Variants in PRMT7 observed in about 807,000 individuals in gnomAD.
PRMT7 encodes the protein protein arginine methyltransferase 7.
Under a neutral mutation model 85.4 loss-of-function variants are expected in PRMT7, and 75 were observed. The observed-to-expected ratio is 0.88, with a 90% CI of 0.73 to 1.06. PRMT7 has a LOEUF of 1.06. PRMT7 is among the 50% of genes least tolerant of loss of function. The pLI is 0.00. For missense variants in PRMT7, 868 were observed against 915.2 expected, an observed-to-expected ratio of 0.95 and a Z score of 0.67; for synonymous variants, 397 against 359.5, an observed-to-expected ratio of 1.10 and a Z score of -1.18.
rs547936717 is a variant in PRMT7 at position 68,339,334 on chromosome 16, G to A, written c.517G>A (p.Ala173Thr). The A allele has an allele frequency of 1.2e-6, 2 of 1,613,844 alleles. No individual in the cohort carries two copies. Among genetic ancestry groups the A allele is most frequent in the African/African-American group, 1.3e-5 (1 of 74,906 alleles). ...HRHLVEENCE[A>T]VPHRATVYAQ... ...AATATAAACTTAGGAAAATTGTGAGGCCGTGCCCCACAGAGCCACCGTCTA... is the reference window on the plus strand; with the variant it reads ...AATATAAACTTAGGAAAATTGTGAGACCGTGCCCCACAGAGCCACCGTCTA... The change falls in exon 8 of 19, where the codon GCC becomes ACC. Residue 173 changes from alanine (A) to threonine (T), a missense_variant. Physicochemically the swap from Ala to Thr is moderately conservative, Grantham distance 58 (BLOSUM62 0). Coordinates refer to ENST00000441236, the MANE Select transcript of PRMT7 (RefSeq NM_019023.5).
intron 5 of PRMT7, among the ~76,000 whole-genome samples, chr16:68,326,705 A>G (rs2083161965): frequency 6.6e-6 from 1 of 152,168 alleles, no homozygotes; most frequent in Non-Finnish European, 1.5e-5. Context: ...CACCACTGCA[A>G]AGGTCAGTTC....
intron 16 of PRMT7, among the ~76,000 whole-genome samples, chr16:68,353,995 C>G (rs1045352450): frequency 6.6e-6 from 1 of 152,206 alleles, no homozygotes; most frequent in African/African-American, 2.4e-5. Flanking sequence ...GCTGTCCTGA[C>G]AGCGCCAGTG....
At chr16:68,337,275 A>AT (rs562871636) in intron 6 of PRMT7, among the ~76,000 whole-genome samples, 184 bp from the exon 7 acceptor site, 163 of 146,912 alleles carry the variant, frequency 1.1e-3, no homozygotes, top group Middle Eastern at 3.5e-3. Context: ...TTACATATGG[A>AT]TTTTTTTTTT....
chr16:68,353,638 C>T (rs990288672), intron 16 of PRMT7, 72 bp downstream of exon 16: 3 of 1,415,332 alleles, frequency 2.1e-6, no homozygotes, highest in Admixed American at 2.6e-5. Flanking sequence ...AGGGTCCCAG[C>T]TTGGGCAGCA....
chr16:68,333,603 G>C (rs1335120498), intron 6 of PRMT7, among the ~76,000 whole-genome samples: 1 of 151,806 alleles, frequency 6.6e-6, no homozygotes, highest in Non-Finnish European at 1.5e-5. Flanking sequence ...GATCACAGAT[G>C]GGAGCCACTG....
intron 14 of PRMT7, among the ~76,000 whole-genome samples, chr16:68,350,708 T>C (rs1168735092): frequency 6.6e-6 from 1 of 152,224 alleles, no homozygotes; most frequent in Non-Finnish European, 1.5e-5. Context: ...TCATTACCCA[T>C]TGGCAGTCAT....
At chr16:68,316,423 A>T (rs1428060951) in intron 3 of PRMT7, among the ~76,000 whole-genome samples, 1 of 152,240 alleles carries the variant, frequency 6.6e-6, no homozygotes, top group Non-Finnish European at 1.5e-5. Context: ...TTTTGAATGA[A>T]AAAAATGAAA....
Position 68,352,364 on chromosome 16 carries a change from G to A in PRMT7, c.1530G>A (p.Val510=), listed in dbSNP as rs1274156685. 1 of 1,610,276 alleles carries A rather than the reference G, an allele frequency of 6.2e-7. No individual in the cohort carries two copies. The highest frequency in any genetic ancestry group is 1.1e-5 in the South Asian group (1 of 91,042). Residue 510 remains valine, a synonymous_variant, in exon 15 of 19, where the codon GTG becomes GTA. Transcript: ENST00000441236. ...AGCACCTGGGGCCAGGTGCCATGGT[G>A]ATGCCCCAGGCAGCCTCGCTGCACG... ...VDQHLGPGAM[V]MPQAASLHAV... is the part of the protein sequence containing the mutation.
In PRMT7 at chr16:68,347,669, G is replaced by A. The variant is rs757741340; in HGVS notation, c.1314G>A (p.Leu438=). The change falls in exon 13 of 19, where the codon CTG becomes CTA. Residue 438 remains leucine (L), a synonymous_variant. Coordinates refer to ENST00000441236, the MANE Select transcript of PRMT7 (RefSeq NM_019023.5). ...AGAGTTCAGCAGCTTCTCACAAACTGTTGAGAAAAGTAAGTGAGAATTGTT... is the reference window on the plus strand; with the variant it reads ...AGAGTTCAGCAGCTTCTCACAAACTATTGAGAAAAGTAAGTGAGAATTGTT... ...TVESSAASHK[L]LRKIFKANHL... is the part of the protein sequence containing the mutation. 1.2e-6 allele frequency: 2 copies of A among 1,613,820 alleles called. No homozygotes were observed. The highest frequency in any genetic ancestry group is 1.7e-6 in the Non-Finnish European group (2 of 1,179,742).
chr16:68,342,271 CTG>C (rs762811116), intron 9 of PRMT7, among the ~76,000 whole-genome samples: 12 of 152,262 alleles, frequency 7.9e-5, no homozygotes, highest in Non-Finnish European at 1.3e-4. Context: ...GAGCGAGACT[CTG>C]TCTCAAAAAA....
chr16:68,315,041 C>G (rs2044514731), intron 2 of PRMT7, among the ~76,000 whole-genome samples: 1 of 151,290 alleles, frequency 6.6e-6, no homozygotes. Flanking sequence ...ACTGGAGAGG[C>G]TGAGGCAGGA....
At chr16:68,342,632 T>G (rs1207582021) in intron 9 of PRMT7, among the ~76,000 whole-genome samples, 1 of 152,158 alleles carries the variant, frequency 6.6e-6, no homozygotes, top group Non-Finnish European at 1.5e-5. Context: ...ATTCCCAGAG[T>G]TACTGTTTAG....
intron 6 of PRMT7, among the ~76,000 whole-genome samples, chr16:68,329,902 T>G (rs1442345223): frequency 7.9e-6 from 1 of 126,822 alleles, no homozygotes; most frequent in East Asian, 2.1e-4. Context: ...CACACACATA[T>G]TTTTTTTTTG....
Position 68,356,799 on chromosome 16 carries a change from T to C in PRMT7, c.1908+2T>C. 6.2e-7 allele frequency: 1 copy of C among 1,604,212 alleles called. No homozygotes were observed. Among genetic ancestry groups the C allele is most frequent in the Non-Finnish European group, 8.5e-7 (1 of 1,176,652 alleles). On this transcript the variant is annotated splice_donor_variant, in intron 18 of 18. Coordinates refer to ENST00000441236, the MANE Select transcript of PRMT7 (RefSeq NM_019023.5). LOFTEE classifies it high-confidence loss of function. ...CTCCTGGAGCCTGCAGACCCCGAGG[T>C]AGTGCCTGCGCACCGGGCCCAGTGT...
chr16:68,321,685 A>G (rs1597161714), intron 4 of PRMT7: 1 of 473,158 alleles, frequency 2.1e-6, no homozygotes, highest in South Asian at 4.1e-5. Context: ...AAAATGGTCT[A>G]TGTTTATGGT....
intron 6 of PRMT7, among the ~76,000 whole-genome samples, chr16:68,331,909 C>T (rs140479722): frequency 1.3e-5 from 2 of 152,192 alleles, no homozygotes; most frequent in East Asian, 1.9e-4. Flanking sequence ...CTTCTGTTCC[C>T]ACCATCTTTG....
chr16:68,326,592 A>G (rs896876405), intron 5 of PRMT7, among the ~76,000 whole-genome samples: 4 of 152,292 alleles, frequency 2.6e-5, no homozygotes, highest in Admixed American at 2.0e-4. Flanking sequence ...AGGAATTTCT[A>G]TTATAGCAAA....
At chr16:68,350,179 C>T (rs750751631) in intron 14 of PRMT7, among the ~76,000 whole-genome samples, 4 of 152,180 alleles carry the variant, frequency 2.6e-5, no homozygotes, top group Non-Finnish European at 2.9e-5. Context: ...TGCTTATGGA[C>T]GTTTGGATTG....
chr16:68,322,395 G>A (rs777484031), intron 4 of PRMT7: 9 of 451,528 alleles, frequency 2.0e-5, no homozygotes, highest in Admixed American at 7.1e-5. Flanking sequence ...GCAGAGTTTC[G>A]CTGTATTGCC....
Sources: gnomAD v4.1 joint callset for allele counts (sites outside exome capture counted in the v4.1 genomes callset) on GRCh38, gnomAD v4.1.1 for gene constraint, MANE v1.5 for transcripts, NCBI Gene and HGNC (gene_info 2026-07-23, HGNC 2026-07-21) for gene names.